RPRD1B: variants seen among roughly 807,000 people sequenced by gnomAD.
The protein encoded by RPRD1B is regulation of nuclear pre-mRNA domain-containing protein 1B.
RPRD1B carries 11 observed loss-of-function variants against 41.5 expected under a neutral mutation model. The observed-to-expected ratio is 0.27, with a 90% confidence interval of 0.17 to 0.44. The LOEUF (loss-of-function observed/expected upper bound fraction) is 0.44. RPRD1B is among the 20% of genes least tolerant of loss of function. The pLI, the probability that RPRD1B is intolerant of heterozygous loss-of-function variation, is 1.00. For synonymous variants in RPRD1B, 158 were observed against 155.6 expected (o/e 1.02, Z -0.12); for missense variants, 248 against 389.9 (o/e 0.64, Z 3.06).
Position 38,051,080 on chromosome 20 carries a change from C to T in RPRD1B, c.415+2599C>T, listed in dbSNP as rs539401167. ...CTGAAATAAAAATTTTTCTATGGAA[C>T]TTTGACAGTTCTTACAACATTAGAG... On this transcript the variant is annotated intron_variant, in intron 3 of 6. Transcript: ENST00000373433. Among the ~76,000 whole-genome samples the T allele has an allele frequency of 3.9e-5, 6 of 152,236 alleles. No homozygotes were observed. In the South Asian group the frequency reaches 1.0e-3, roughly 26 times the overall value.
chr20:38,065,238 C>T (rs1332792049), intron 5 of RPRD1B, among the ~76,000 whole-genome samples: 1 of 152,170 alleles, frequency 6.6e-6, no homozygotes, highest in Admixed American at 6.5e-5. Flanking sequence ...AGAGATCTGG[C>T]TTCGAGCCCC....
Position 38,057,641 on chromosome 20 carries a change from C to T in RPRD1B, c.525C>T (p.Leu175=). The part of the protein sequence containing the change: ...YSPQDPSAGP[L]LTEELIKALQ... ...CTCAGGATCCTTCTGCAGGACCCCT[C>T]TTGGTAGGTCTTGACCCCCAGAGAG... is the stretch of plus-strand genomic sequence containing the variant. Residue 175 remains leucine, a synonymous_variant, in exon 4 of 7, where the codon CTC becomes CTT. Transcript: ENST00000373433. 1.2e-6 allele frequency: 2 copies of T among 1,605,772 alleles called. No homozygotes were observed. Among genetic ancestry groups the T allele is most frequent in the Non-Finnish European group, 1.7e-6 (2 of 1,172,444 alleles).
At chr20:38,052,435 C>CA in intron 3 of RPRD1B, among the ~76,000 whole-genome samples, 1 of 152,174 alleles carries the variant, frequency 6.6e-6, no homozygotes, top group East Asian at 1.9e-4. Context: ...TAAGGGTAGA[C>CA]AGCTTGTAGA....
intron 2 of RPRD1B, among the ~76,000 whole-genome samples, chr20:38,047,440 C>T (rs2074132018): frequency 6.6e-6 from 1 of 152,118 alleles, no homozygotes; most frequent in African/African-American, 2.4e-5. Flanking sequence ...CTATTAAAAG[C>T]CATTTAACTT....
At chr20:38,076,195 A>G (rs1019921840) in intron 6 of RPRD1B, among the ~76,000 whole-genome samples, 5 of 152,196 alleles carry the variant, frequency 3.3e-5, no homozygotes, top group Non-Finnish European at 7.3e-5. Context: ...TACCCCAATT[A>G]TGGTGCAGTG....
At position 38,066,301 on chromosome 20, in the gene RPRD1B, C is replaced by T. The variant is rs781212998; in HGVS notation, c.831+45C>T. The T allele has an allele frequency of 2.6e-6, 4 of 1,560,976 alleles. No homozygotes were observed. In the East Asian group the frequency reaches 6.8e-5, roughly 26 times the overall value. The stretch of plus-strand genomic sequence containing the variant: ...ACCCAGACTGCCCACGTTTCCCTTC[C>T]TGTAGCCCACATTAGGAGGTTTTTA... On this transcript the variant is annotated intron_variant, in intron 6 of 6. Transcript: ENST00000373433.
intron 1 of RPRD1B, among the ~76,000 whole-genome samples, chr20:38,035,203 C>T (rs887931275): frequency 6.6e-6 from 1 of 152,148 alleles, no homozygotes; most frequent in Non-Finnish European, 1.5e-5. Context: ...GAGGCATGGT[C>T]TTTACCTTCA....
intron 1 of RPRD1B, among the ~76,000 whole-genome samples, chr20:38,036,467 C>T (rs543488299): frequency 6.6e-6 from 1 of 152,264 alleles, no homozygotes; most frequent in South Asian, 2.1e-4. Context: ...TTAATTTGTT[C>T]CTACTAGCTG....
chr20:38,080,285 T>C (rs1269103288), intron 6 of RPRD1B, among the ~76,000 whole-genome samples: 1 of 152,254 alleles, frequency 6.6e-6, no homozygotes, highest in Non-Finnish European at 1.5e-5. Context: ...AGGGCCGGTG[T>C]CCGGCATGGT....
At chr20:38,064,978 A>AC (rs1356427282) in intron 5 of RPRD1B, among the ~76,000 whole-genome samples, 1 of 149,540 alleles carries the variant, frequency 6.7e-6, no homozygotes, top group African/African-American at 2.5e-5. Context: ...AGAGCAAGAC[A>AC]CCATCTCAAA....
intron 6 of RPRD1B, among the ~76,000 whole-genome samples, chr20:38,074,631 A>G (rs2074442109): frequency 6.6e-6 from 1 of 152,186 alleles, no homozygotes; most frequent in Non-Finnish European, 1.5e-5. Context: ...TATATGTAGC[A>G]CTAATTTTTC....
chr20:38,069,726 A>G (rs1043719725), intron 6 of RPRD1B, among the ~76,000 whole-genome samples: 1 of 152,236 alleles, frequency 6.6e-6, no homozygotes, highest in Non-Finnish European at 1.5e-5. Flanking sequence ...AGAATTCAAG[A>G]TAGGTTGTCA....
At chr20:38,049,973 G>C (rs1038258501) in intron 3 of RPRD1B, among the ~76,000 whole-genome samples, 2 of 152,164 alleles carry the variant, frequency 1.3e-5, no homozygotes, top group Admixed American at 6.5e-5. Flanking sequence ...TCCATCTGCT[G>C]TTACCTCTAC....
chr20:38,044,469 G>A (rs2074101210), intron 2 of RPRD1B, among the ~76,000 whole-genome samples: 1 of 150,654 alleles, frequency 6.6e-6, no homozygotes, highest in Non-Finnish European at 1.5e-5. Context: ...CGCCTCTCGG[G>A]TTCATGCCAT....
chr20:38,051,947 C>T (rs1026937871), intron 3 of RPRD1B, among the ~76,000 whole-genome samples: 1 of 152,116 alleles, frequency 6.6e-6, no homozygotes, highest in African/African-American at 2.4e-5. Context: ...GATGGGGTTT[C>T]TCCATGTTGG....
intron 2 of RPRD1B, among the ~76,000 whole-genome samples, chr20:38,045,173 ATTAAG>A (rs1270662509): frequency 6.6e-6 from 1 of 152,234 alleles, no homozygotes; most frequent in African/African-American, 2.4e-5. Flanking sequence ...TCAACGTAAT[ATTAAG>A]TTGTGTATGT....
intron 5 of RPRD1B, among the ~76,000 whole-genome samples, chr20:38,062,125 ATAAT>A (rs1237821987): frequency 7.2e-5 from 11 of 152,198 alleles, no homozygotes; most frequent in African/African-American, 1.2e-4. Context: ...AAGGCATAAG[ATAAT>A]TAATTGGTGA....
intron 6 of RPRD1B, among the ~76,000 whole-genome samples, chr20:38,089,111 A>G (rs1489831800): frequency 6.6e-6 from 1 of 152,172 alleles, no homozygotes; most frequent in Non-Finnish European, 1.5e-5. Context: ...TGGTTTCATG[A>G]AAGCTGGGCT....
chr20:38,058,233 C>G (rs1350348738), intron 4 of RPRD1B, among the ~76,000 whole-genome samples: 3 of 152,040 alleles, frequency 2.0e-5, no homozygotes, highest in African/African-American at 7.3e-5. Context: ...ACTTCAGAGC[C>G]CATGCTCTTT....
Sources: allele counts gnomAD v4.1 joint callset (sites outside exome capture counted in the v4.1 genomes callset), GRCh38; gene constraint gnomAD v4.1.1; transcripts MANE v1.5; gene names NCBI Gene and HGNC (gene_info 2026-07-23, HGNC 2026-07-21).